Variants in ARHGAP19 observed in about 807,000 individuals in gnomAD.
ARHGAP19 encodes the protein Rho GTPase activating protein 19.
ARHGAP19 carries 48 observed loss-of-function variants against 60.9 expected under a neutral mutation model. The ratio of observed to expected loss-of-function variants is 0.79; its 90% CI spans 0.62 to 1.00. The LOEUF is 1.00. Ranked by LOEUF, ARHGAP19 falls within the 50% of genes least tolerant of loss-of-function variation. The pLI, the probability that ARHGAP19 is intolerant of heterozygous loss-of-function variation, is 0.00. For synonymous variants in ARHGAP19, 209 were observed against 215.5 expected (o/e 0.97, Z 0.27); for missense variants, 562 against 597.2 (o/e 0.94, Z 0.61).
chr10:97,266,219 G>T, intron 1 of ARHGAP19, 94 bp from the exon 2 acceptor site: 1 of 1,442,312 alleles, frequency 6.9e-7, no homozygotes, highest in Non-Finnish European at 9.4e-7. Context: ...TCCACGCAAA[G>T]GCAGAGGTTT....
intron 1 of ARHGAP19, among the ~76,000 whole-genome samples, chr10:97,283,673 T>G (rs1843117130): frequency 6.6e-6 from 1 of 152,060 alleles, no homozygotes; most frequent in African/African-American, 2.4e-5. Flanking sequence ...GGATGGGTCA[T>G]ATTTTAGATA....
At chr10:97,255,259 G>T (rs905503076) in intron 6 of ARHGAP19, among the ~76,000 whole-genome samples, 3 of 152,180 alleles carry the variant, frequency 2.0e-5, no homozygotes, top group African/African-American at 7.2e-5. Context: ...ACCAGAACTG[G>T]ATGATCTTGG....
chr10:97,280,822 C>T (rs1179350304), intron 1 of ARHGAP19, among the ~76,000 whole-genome samples: 1 of 152,060 alleles, frequency 6.6e-6, no homozygotes, highest in Non-Finnish European at 1.5e-5. Context: ...TGGCCTCAAG[C>T]GATCCTCCCA....
chr10:97,237,587 T>C (rs1842402358), intron 8 of ARHGAP19, among the ~76,000 whole-genome samples: 1 of 152,102 alleles, frequency 6.6e-6, no homozygotes, highest in South Asian at 2.1e-4. Flanking sequence ...TGATAATAAA[T>C]GGGCTAGATG....
chr10:97,253,893 A>G (rs887628918), intron 6 of ARHGAP19, among the ~76,000 whole-genome samples: 8 of 152,210 alleles, frequency 5.3e-5, no homozygotes, highest in Non-Finnish European at 2.9e-5. Context: ...TAGTATACAT[A>G]TAGGGTTTGG....
chr10:97,235,391 A>C (rs1359564769), intron 8 of ARHGAP19, 76 bp from the exon 9 acceptor site: 2 of 1,306,934 alleles, frequency 1.5e-6, no homozygotes, highest in Non-Finnish European at 2.2e-6. Flanking sequence ...CTAATAGCTA[A>C]GTGTAAATAA....
In ARHGAP19 at chr10:97,273,785, G is replaced by A. The variant is rs576407698; in HGVS notation, c.57-7660C>T. Among the ~76,000 whole-genome samples, 15 of 152,020 alleles carry A rather than the reference G, an allele frequency of 9.9e-5. No homozygotes were observed. In the East Asian group the frequency reaches 1.4e-3, roughly 14 times the overall value. ...ATTACAGGCATGAGCCACCACACCC[G>A]ACCCACAACATTATTTTCTAAACAG... is the stretch of plus-strand genomic sequence containing the variant. On this transcript the variant is annotated intron_variant, in intron 1 of 11. Transcript: ENST00000358531.
chr10:97,222,856 T>C lies in ARHGAP19; in HGVS notation c.*3266A>G, dbSNP rs911217142. ...AGCCTCAAGCATCTGTGTGAGGCCT[T>C]GTAGGAAAGGAGACAGAGTCTAGAG... On this transcript the variant is annotated 3_prime_UTR_variant, in exon 12 of 12. Coordinates refer to ENST00000358531, the MANE Select transcript of ARHGAP19 (RefSeq NM_032900.6). 1 of 152,176 alleles carries C rather than the reference T, an allele frequency of 6.6e-6. No homozygotes were observed. Among genetic ancestry groups the C allele is most frequent in the Admixed American group, 6.5e-5 (1 of 15,274 alleles). The allele number at this position is 152,176 out of a possible 1,614,324, so 9.4% of individuals were successfully genotyped here.
At chr10:97,252,174 T>A (rs1198868527) in intron 6 of ARHGAP19, among the ~76,000 whole-genome samples, 1 of 151,912 alleles carries the variant, frequency 6.6e-6, no homozygotes, top group East Asian at 1.9e-4. Context: ...CAAGACCTCA[T>A]CTCTACAAAA....
chr10:97,283,497 CA>C (rs1843115200), intron 1 of ARHGAP19, among the ~76,000 whole-genome samples: 1 of 151,378 alleles, frequency 6.6e-6, no homozygotes, highest in Non-Finnish European at 1.5e-5. Context: ...GAGGCTGCAG[CA>C]AGCTGAGATC....
chr10:97,286,453 G>C (rs971395982), intron 1 of ARHGAP19, among the ~76,000 whole-genome samples: 2 of 152,150 alleles, frequency 1.3e-5, no homozygotes, highest in African/African-American at 4.8e-5. Flanking sequence ...TTAGCTGGAC[G>C]TGGTGGCACA....
At chr10:97,246,917 C>T (rs1341176898) in intron 6 of ARHGAP19, among the ~76,000 whole-genome samples, 1 of 152,088 alleles carries the variant, frequency 6.6e-6, no homozygotes, top group Non-Finnish European at 1.5e-5. Context: ...GTGGGTGGAT[C>T]ACCTGAAGTC....
intron 8 of ARHGAP19, among the ~76,000 whole-genome samples, chr10:97,242,022 AAATAAT>A (rs985123664): frequency 1.4e-5 from 2 of 140,734 alleles, no homozygotes. Context: ...AAAAAAAAAA[AAATAAT>A]AATAATAATA....
At chr10:97,262,443 G>A (rs891190984) in intron 4 of ARHGAP19, among the ~76,000 whole-genome samples, 5 of 152,000 alleles carry the variant, frequency 3.3e-5, no homozygotes, top group Admixed American at 3.3e-4. Context: ...AAGGTAGGCC[G>A]ATCACAAGAT....
chr10:97,236,880 G>C (rs941193200), intron 8 of ARHGAP19, among the ~76,000 whole-genome samples: 75 of 149,998 alleles, frequency 5.0e-4, no homozygotes, highest in African/African-American at 1.7e-3. Context: ...ATCAGATCAA[G>C]CCTCTAGAAA....
At chr10:97,246,167 A>C (rs1842560169) in intron 7 of ARHGAP19, 105 bp downstream of exon 7, 1 of 951,426 alleles carries the variant, frequency 1.1e-6, no homozygotes, top group African/African-American at 1.6e-5. Context: ...TAATACTAAA[A>C]CTTATTATTT....
At chr10:97,253,153 CCGAGG>C (rs778001131) in intron 6 of ARHGAP19, among the ~76,000 whole-genome samples, 6 of 151,954 alleles carry the variant, frequency 3.9e-5, no homozygotes, top group African/African-American at 9.7e-5. Flanking sequence ...CTTTGGGAGG[CCGAGG>C]CGGGCGGTCA....
At position 97,228,661 on chromosome 10, in the gene ARHGAP19, G is replaced by C. The variant is rs138424840; in HGVS notation, c.1474+486C>G. Reference sequence around the variant, plus strand: ...CAATCAGCAGTCCCAGCATTAAATAGTCCTCTTTGTCCTAAATAGCCCCCA... The same window carrying C: ...CAATCAGCAGTCCCAGCATTAAATACTCCTCTTTGTCCTAAATAGCCCCCA... On this transcript the variant is annotated intron_variant, in intron 11 of 11. Coordinates refer to ENST00000358531, the MANE Select transcript of ARHGAP19 (RefSeq NM_032900.6). Among the ~76,000 whole-genome samples the C allele has an allele frequency of 5.0e-4, 76 of 152,204 alleles. No individual in the cohort carries two copies. In the East Asian group the frequency reaches 7.0e-3, roughly 14 times the overall value.
rs889966050 is a variant in ARHGAP19 at position 97,235,180 on chromosome 10, A to G, written c.1284+37T>C. 2.6e-6 allele frequency: 4 copies of G among 1,536,362 alleles called. No individual in the cohort carries two copies. The African/African-American group carries it at 5.5e-5, about 21-fold the overall frequency. ...AAAAATCACATTGTTACATTTCCTA[A>G]AAATCAATGCTGAAAACGACAGCCC... On this transcript the variant is annotated intron_variant, in intron 9 of 11. Coordinates refer to ENST00000358531, the MANE Select transcript of ARHGAP19 (RefSeq NM_032900.6).
Sources: gnomAD v4.1 joint callset for allele counts (sites outside exome capture counted in the v4.1 genomes callset) on GRCh38, gnomAD v4.1.1 for gene constraint, MANE v1.5 for transcripts, NCBI Gene and HGNC (gene_info 2026-07-23, HGNC 2026-07-21) for gene names.